Variants in MAZ observed in about 807,000 individuals in gnomAD.
The protein encoded by MAZ is myc-associated zinc finger protein.
In MAZ, 4 loss-of-function variants were observed where a neutral mutation model predicts 32.7. The ratio of observed to expected loss-of-function variants is 0.12; its 90% CI spans 0.06 to 0.28. The LOEUF (loss-of-function observed/expected upper bound fraction) is 0.28. MAZ is among the 10% of genes least tolerant of loss of function. The probability of loss-of-function intolerance (pLI) is 1.00; values close to 1 mark genes in which losing one functional copy is unlikely to be tolerated. For synonymous variants in MAZ, 510 were observed against 297.6 expected (o/e 1.71, Z -7.35); for missense variants, 763 against 667.2 (o/e 1.14, Z -1.58).
intron 4 of MAZ, chr16:29,809,600 C>G (rs774096245): frequency 1.2e-6 from 2 of 1,612,278 alleles, no homozygotes; most frequent in Non-Finnish European, 1.7e-6. Context: ...CTCCAGGCCC[C>G]GCGGGCTGAC....
At position 29,808,900 on chromosome 16, in the gene MAZ, C is replaced by T. The variant is rs1452869036; in HGVS notation, c.1279+159C>T. 10 of 642,338 alleles carry T rather than the reference C, an allele frequency of 1.6e-5. 1 individual carries two copies. The highest frequency in any genetic ancestry group is 9.6e-5 in the South Asian group (5 of 51,842). 39.8% of individuals were successfully genotyped at this position (642,338 alleles called of 1,614,324 possible). A position where few individuals can be genotyped will look rare whatever the true frequency, so the allele number is the denominator to read the frequency against. The stretch of plus-strand genomic sequence containing the variant: ...AGCAGCGGGGGGACACCTGAATGAA[C>T]ATCATTAGACTCTAAGAAGTCCTGG... On this transcript the variant is annotated intron_variant, in intron 4 of 4. Coordinates refer to ENST00000322945, the MANE Select transcript of MAZ (RefSeq NM_002383.4).
rs923795516 is a variant in MAZ, at chr16:29,808,281, C to T, written c.1095C>T (p.Pro365=). 8.7e-6 allele frequency: 14 copies of T among 1,614,064 alleles called. No individual in the cohort carries two copies. The highest frequency in any genetic ancestry group is 1.3e-5 in the African/African-American group (1 of 75,036). Residue 365 remains proline (P), a synonymous_variant, in exon 3 of 5, where the codon CCC becomes CCT. Coordinates refer to ENST00000322945, the MANE Select transcript of MAZ (RefSeq NM_002383.4). Reference sequence around the variant, plus strand: ...GACAAGTGCACTCAACAGAACGGCCCTTCAAATGTGAGGTAGGAAGCCCGC... The same window carrying T: ...GACAAGTGCACTCAACAGAACGGCCTTTCAAATGTGAGGTAGGAAGCCCGC... ...HVRQVHSTER[P]FKCEKCEAAF... is the part of the protein sequence containing the mutation.
chr16:29,806,739 C>G lies in MAZ; in HGVS notation c.38C>G (p.Pro13Arg). 2.1e-6 allele frequency: 3 copies of G among 1,395,370 alleles called. No homozygotes were observed. Among genetic ancestry groups the G allele is most frequent in the Non-Finnish European group, 2.8e-6 (3 of 1,058,420 alleles). The allele number at this position is 1,395,370 out of a possible 1,614,324, so 86.4% of individuals were successfully genotyped here. ...TTTCCTTGCACGCTGCTGGCCCCCCCCTTCCCCGTGCTGGGCCTGGACTCC... is the reference window on the plus strand; with the variant it reads ...TTTCCTTGCACGCTGCTGGCCCCCCGCTTCCCCGTGCTGGGCCTGGACTCC... ...PVFPCTLLAP[P>R]FPVLGLDSRG... The change falls in exon 1 of 5, where the codon CCC becomes CGC. Residue 13 changes from proline (P) to arginine (R), a missense_variant. Physicochemically the swap from Pro to Arg is moderately radical, Grantham distance 103. Transcript: ENST00000322945.
Position 29,810,901 on chromosome 16 carries a change from A to T in MAZ, c.*670A>T. 1 of 339,586 alleles carries T rather than the reference A, an allele frequency of 2.9e-6. No individual in the cohort carries two copies. Among genetic ancestry groups the T allele is most frequent in the Non-Finnish European group, 5.8e-6 (1 of 173,870 alleles). The allele number at this position is 339,586 out of a possible 1,614,324, so 21.0% of individuals were successfully genotyped here. A position where few individuals can be genotyped will look rare whatever the true frequency, so the allele number is the denominator to read the frequency against. On this transcript the variant is annotated 3_prime_UTR_variant, in exon 5 of 5. Coordinates refer to ENST00000322945, the MANE Select transcript of MAZ (RefSeq NM_002383.4). ...GCCAGGAGGGCCAGAGGCAGAGAAGAGATGGAGTCTTAGGGGCCAGGGTGA... is the reference window on the plus strand; with the variant it reads ...GCCAGGAGGGCCAGAGGCAGAGAAGTGATGGAGTCTTAGGGGCCAGGGTGA...
Position 29,806,596 on chromosome 16 carries a change from C to G in MAZ, c.-106C>G, listed in dbSNP as rs1899464904. On this transcript the variant is annotated 5_prime_UTR_variant, in exon 1 of 5. Coordinates refer to ENST00000322945, the MANE Select transcript of MAZ (RefSeq NM_002383.4). ...GGCGGCCCGCGGGCCATGCGTTCGG[C>G]GCGGCCCAGCCCGGCCGGCCGGGGG... is the stretch of plus-strand genomic sequence containing the variant. 11 of 967,094 alleles carry G rather than the reference C, an allele frequency of 1.1e-5. No homozygotes were observed. The highest frequency in any genetic ancestry group is 1.2e-5 in the Non-Finnish European group (10 of 818,990). 59.9% of individuals were successfully genotyped at this position (967,094 alleles called of 1,614,324 possible).
At position 29,807,521 on chromosome 16, in the gene MAZ, G is replaced by A; in HGVS notation, c.736G>A (p.Gly246Arg). 1 of 1,609,334 alleles carries A rather than the reference G, an allele frequency of 6.2e-7. No homozygotes were observed. The highest frequency in any genetic ancestry group is 2.2e-5 in the East Asian group (1 of 44,758). ...LSVPQLSGAGGGGGEAGAGGG... is the reference protein window; with the variant it reads ...LSVPQLSGAGRGGGEAGAGGG... ...CGTGCCCCAGCTGAGCGGAGCCGGC[G>A]GGGGAGGGGGAGAGGCGGGTGCCGG... Residue 246 changes from glycine to arginine, a missense_variant, in exon 2 of 5, where the codon GGG (glycine) becomes AGG (arginine). Gly to Arg is a moderately radical substitution (Grantham distance 125, BLOSUM62 -2). Transcript: ENST00000322945.
chr16:29,809,335 C>G, intron 4 of MAZ: 1 of 581,008 alleles, frequency 1.7e-6, no homozygotes. Flanking sequence ...GGCTGAGAAG[C>G]GGGCACCACA....
At chr16:29,806,144 C>T (rs1323222368), upstream of MAZ, 2 of 1,316,204 alleles carry the variant, frequency 1.5e-6, no homozygotes, top group African/African-American at 1.7e-5. Context: ...CTCCCTCCGC[C>T]ATGGATCCCA....
At chr16:29,808,441 G>A (rs1899683552) in intron 3 of MAZ, 129 bp from the exon 4 acceptor site, 1 of 983,660 alleles carries the variant, frequency 1.0e-6, no homozygotes, top group South Asian at 1.4e-5. Context: ...GCCTCATCAT[G>A]TCACTCCCAT....
In MAZ at chr16:29,810,259, G is replaced by A. The variant is rs1398939574; in HGVS notation, c.*28G>A. 7.7e-6 allele frequency: 12 copies of A among 1,559,520 alleles called. No individual in the cohort carries two copies. Among genetic ancestry groups the A allele is most frequent in the South Asian group, 2.3e-5 (2 of 85,750 alleles). On this transcript the variant is annotated 3_prime_UTR_variant, in exon 5 of 5. Transcript: ENST00000322945. ...TCCAAGTTGGTTGCGGGGGAGAGGG[G>A]AGAATGGAGTAGAGTCCCTTGGTAC...
rs778085863 is a variant in MAZ, at chr16:29,807,315, C to T, written c.530C>T (p.Ala177Val). 2.3e-5 allele frequency: 37 copies of T among 1,599,328 alleles called. No homozygotes were observed. The highest frequency in any genetic ancestry group is 3.3e-4 in the Middle Eastern group (2 of 6,052). The change falls in exon 2 of 5, where the codon GCG becomes GTG. Residue 177 changes from alanine (A) to valine (V), a missense_variant. By Grantham distance (64) the Ala-to-Val change is moderately conservative. Coordinates refer to ENST00000322945, the MANE Select transcript of MAZ (RefSeq NM_002383.4). ...PTSTVAVAPV[A>V]SALEKKTKSK... The stretch of plus-strand genomic sequence containing the variant: ...TCGACGGTCGCCGTGGCCCCGGTCG[C>T]GTCTGCCTTGGAGAAGAAGACAAAG...
In MAZ at chr16:29,810,083, G is replaced by T; in HGVS notation, c.1286G>T (p.Gly429Val). The T allele has an allele frequency of 1.2e-6, 2 of 1,610,476 alleles. No homozygotes were observed. Among genetic ancestry groups the T allele is most frequent in the South Asian group, 2.2e-5 (2 of 90,904 alleles). ...TGGTGTTTCTCCTGTGCAGGTACTG[G>T]TGAGGTTTGTCCAATGGCGGCGGCA... The part of the protein sequence containing the change: ...HVCELCNKGT[G>V]EVCPMAAAAA... Residue 429 changes from glycine (G) to valine (V), a missense_variant, in exon 5 of 5, where the codon GGT (glycine) becomes GTT (valine). By Grantham distance (109) the Gly-to-Val change is moderately radical. Transcript: ENST00000322945.
At position 29,807,780 on chromosome 16, in the gene MAZ, C is replaced by T; in HGVS notation, c.995C>T (p.Ala332Val). The change falls in exon 2 of 5, where the codon GCT becomes GTT. Residue 332 changes from alanine (A) to valine (V), a missense_variant. Ala to Val is a moderately conservative substitution (Grantham distance 64, BLOSUM62 0). Coordinates refer to ENST00000322945, the MANE Select transcript of MAZ (RefSeq NM_002383.4). ...TACCACGTGCGCTCACATGACGGCG[C>T]TGTGCACAAGCCCTACAACTGCTCC... is the stretch of plus-strand genomic sequence containing the variant. ...MSYHVRSHDG[A>V]VHKPYNCSHC... 2 of 1,611,896 alleles carry T rather than the reference C, an allele frequency of 1.2e-6. No homozygotes were observed. Among genetic ancestry groups the T allele is most frequent in the Non-Finnish European group, 1.7e-6 (2 of 1,179,936 alleles).
chr16:29,807,455 G>A lies in MAZ; in HGVS notation c.670G>A (p.Ala224Thr). The change falls in exon 2 of 5, where the codon GCT becomes ACT. Residue 224 changes from alanine (A) to threonine (T), a missense_variant. Transcript: ENST00000322945. Reference sequence around the variant, plus strand: ...CAAGGCCGGCCGGGTCCCCTCGGGTGCTATGAAGATGCCGACCATGGTGCC... The same window carrying A: ...CAAGGCCGGCCGGGTCCCCTCGGGTACTATGAAGATGCCGACCATGGTGCC... ...GAKAGRVPSG[A>T]MKMPTMVPLS... 2 of 1,612,440 alleles carry A rather than the reference G, an allele frequency of 1.2e-6. No individual in the cohort carries two copies. Among genetic ancestry groups the A allele is most frequent in the African/African-American group, 1.3e-5 (1 of 75,034 alleles).
At chr16:29,809,753 C>G (rs528647449) in intron 4 of MAZ, 1 of 1,420,494 alleles carries the variant, frequency 7.0e-7, no homozygotes, top group Non-Finnish European at 9.2e-7. Flanking sequence ...GGGGGACCCC[C>G]GCACCCACCA....
Position 29,810,099 on chromosome 16 carries a change from G to GGCGGCGGCA in MAZ, c.1308_1316dup (p.Ala446_Ala448dup), listed in dbSNP as rs748595015. ...CAGGTACTGGTGAGGTTTGTCCAAT[G>GGCGGCGGCA]GCGGCGGCAGCGGCAGCGGCGGCAG... On this transcript the variant is annotated inframe_insertion, in exon 5 of 5. Transcript: ENST00000322945. 6.5e-5 allele frequency: 104 copies of GGCGGCGGCA among 1,609,670 alleles called. No homozygotes were observed. The East Asian group carries it at 6.7e-4, about 10-fold the overall frequency.
At chr16:29,806,939 G>T (rs550654524) in intron 1 of MAZ, 39 bp from the exon 2 acceptor site, 39 of 1,165,506 alleles carry the variant, frequency 3.3e-5, no homozygotes, top group Non-Finnish European at 3.9e-5. Context: ...GGGGACGCCC[G>T]CCCGCACCCG....
In MAZ at chr16:29,810,104, C is replaced by T. The variant is rs746270470; in HGVS notation, c.1307C>T (p.Ala436Val). Residue 436 changes from alanine to valine, a missense_variant, in exon 5 of 5, where the codon GCG (alanine) becomes GTG (valine). Ala to Val is a moderately conservative substitution (Grantham distance 64). Transcript: ENST00000322945. ...ACTGGTGAGGTTTGTCCAATGGCGG[C>T]GGCAGCGGCAGCGGCGGCAGCGGCA... ...KGTGEVCPMA[A>V]AAAAAAAAAA... is the part of the protein sequence containing the mutation. 8 of 1,555,226 alleles carry T rather than the reference C, an allele frequency of 5.1e-6. No homozygotes were observed. The highest frequency in any genetic ancestry group is 1.2e-5 in the South Asian group (1 of 84,114).
At chr16:29,806,928 G>A in intron 1 of MAZ, 35 bp downstream of exon 1, 1 of 1,237,370 alleles carries the variant, frequency 8.1e-7, no homozygotes, top group Non-Finnish European at 1.0e-6. Context: ...CCGGGCTGGG[G>A]GGGGACGCCC....
Sources: allele counts gnomAD v4.1 joint callset, GRCh38; gene constraint gnomAD v4.1.1; transcripts MANE v1.5; gene names NCBI Gene and HGNC (gene_info 2026-07-23, HGNC 2026-07-21).